Variants in RSL1D1 observed in about 807,000 individuals in gnomAD.
The protein encoded by RSL1D1 is ribosomal L1 domain-containing protein 1.
Under a neutral mutation model 44.6 loss-of-function variants are expected in RSL1D1, and 34 were observed. The observed-to-expected ratio is 0.76, with a 90% confidence interval of 0.58 to 1.02. RSL1D1 has a LOEUF of 1.02. RSL1D1 is among the 50% of genes least tolerant of loss of function. The pLI is 0.00. For synonymous variants in RSL1D1, 271 were observed against 207.4 expected (o/e 1.31, Z -2.63); for missense variants, 767 against 568.1 (o/e 1.35, Z -3.56).
rs893226164 is a variant in RSL1D1, at chr16:11,836,039, A to G, written c.*1748T>C. 3.3e-5 allele frequency: 5 copies of G among 152,158 alleles called. No individual in the cohort carries two copies. Among genetic ancestry groups the G allele is most frequent in the Admixed American group, 6.6e-5 (1 of 15,260 alleles). 9.4% of individuals were successfully genotyped at this position (152,158 alleles called of 1,614,324 possible). A position where few individuals can be genotyped will look rare whatever the true frequency, so the allele number is the denominator to read the frequency against. On this transcript the variant is annotated 3_prime_UTR_variant, in exon 9 of 9. Transcript: ENST00000571133. ...CCAGGATCGACTGTAACTTGAGTTA[A>G]AAGAACCTGCTCTCCATCATCTCAA...
chr16:11,840,019 G>GAACC (rs1281042305), intron 7 of RSL1D1, 34 bp from the exon 8 acceptor site: 1 of 1,600,928 alleles, frequency 6.2e-7, no homozygotes, highest in Non-Finnish European at 8.5e-7. Context: ...ATTTTAGCAG[G>GAACC]AACAGTTCTG....
intron 3 of RSL1D1, 77 bp downstream of exon 3, chr16:11,847,591 T>A (rs541816591): frequency 8.5e-7 from 1 of 1,172,076 alleles, no homozygotes; most frequent in African/African-American, 1.6e-5. Context: ...CTAGGAAATA[T>A]AGCAATGTAT....
At chr16:11,841,300 A>G in intron 7 of RSL1D1, 1 of 164,346 alleles carries the variant, frequency 6.1e-6, no homozygotes, top group East Asian at 1.8e-4. Context: ...AGTGCCAGCT[A>G]CTCGGGAGGC....
In RSL1D1 at chr16:11,837,734, C is replaced by A; in HGVS notation, c.*53G>T. 1 of 1,473,536 alleles carries A rather than the reference C, an allele frequency of 6.8e-7. No individual in the cohort carries two copies. The highest frequency in any genetic ancestry group is 1.3e-5 in the South Asian group (1 of 77,770). 91.3% of individuals were successfully genotyped at this position (1,473,536 alleles called of 1,614,324 possible). On this transcript the variant is annotated 3_prime_UTR_variant, in exon 9 of 9. Coordinates refer to ENST00000571133, the MANE Select transcript of RSL1D1 (RefSeq NM_015659.3). ...AAAGGCGGCCAGGATCTGAGTATTT[C>A]CAAAAAGCTCTGGAGGCAGCATTGA...
intron 2 of RSL1D1, 119 bp from the exon 3 acceptor site, chr16:11,847,925 T>TGC: frequency 9.8e-7 from 1 of 1,016,022 alleles, no homozygotes; most frequent in Admixed American, 2.4e-5. Context: ...TCATGCTAGT[T>TGC]AAGCAAATAA....
intron 7 of RSL1D1, among the ~76,000 whole-genome samples, chr16:11,840,615 G>C (rs1245905362): frequency 6.6e-6 from 1 of 152,180 alleles, no homozygotes; most frequent in African/African-American, 2.4e-5. Context: ...TGGCTAAAGA[G>C]AGAAACACTA....
chr16:11,840,753 G>A (rs781545395), intron 7 of RSL1D1, among the ~76,000 whole-genome samples: 2 of 152,110 alleles, frequency 1.3e-5, no homozygotes, highest in South Asian at 4.1e-4. Context: ...CATAACCTCC[G>A]ACATCCAAAT....
At chr16:11,841,420 C>T in intron 7 of RSL1D1, 1 of 285,506 alleles carries the variant, frequency 3.5e-6, no homozygotes. Context: ...TAAAAAAACC[C>T]AGCAAGCACT....
intron 5 of RSL1D1, 116 bp downstream of exon 5, chr16:11,846,385 A>T: frequency 2.4e-5 from 14 of 592,826 alleles, no homozygotes; most frequent in Non-Finnish European, 3.2e-5. Context: ...ACAGAGTAAG[A>T]CTCCATCTCA....
intron 7 of RSL1D1, 62 bp from the exon 8 acceptor site, chr16:11,840,047 T>A: frequency 1.3e-6 from 2 of 1,572,654 alleles, no homozygotes; most frequent in Admixed American, 1.9e-5. Context: ...ACAAACGGCA[T>A]AGATGTACCA....
In RSL1D1 at chr16:11,835,849, T is replaced by A. The variant is rs1225544585; in HGVS notation, c.*1938A>T. On this transcript the variant is annotated 3_prime_UTR_variant, in exon 9 of 9. Coordinates refer to ENST00000571133, the MANE Select transcript of RSL1D1 (RefSeq NM_015659.3). Reference sequence around the variant, plus strand: ...CTTGGAATATGTCCAGGGTCAAGGGTCTAAAACCCCTTGTGGTCTTTGGAA... The same window carrying A: ...CTTGGAATATGTCCAGGGTCAAGGGACTAAAACCCCTTGTGGTCTTTGGAA... 6.6e-6 allele frequency: 1 copy of A among 152,058 alleles called. No individual in the cohort carries two copies. The highest frequency in any genetic ancestry group is 2.4e-5 in the African/African-American group (1 of 41,410). The allele number at this position is 152,058 out of a possible 1,614,324, so 9.4% of individuals were successfully genotyped here.
chr16:11,851,131 T>C (rs1444405992), intron 1 of RSL1D1: 9 of 506,550 alleles, frequency 1.8e-5, no homozygotes, highest in Non-Finnish European at 7.2e-6. Context: ...GGTCAAGCGC[T>C]AATGATAGGG....
At chr16:11,846,967 G>T (rs1156333501) in intron 3 of RSL1D1, 124 bp from the exon 4 acceptor site, 2 of 829,510 alleles carry the variant, frequency 2.4e-6, no homozygotes, top group Non-Finnish European at 3.8e-6. Flanking sequence ...ATACTTTAAT[G>T]AACACTTGAG....
chr16:11,846,706 A>G lies in RSL1D1; in HGVS notation c.522T>C (p.Tyr174=). The G allele has an allele frequency of 6.2e-7, 1 of 1,613,952 alleles. No individual in the cohort carries two copies. The highest frequency in any genetic ancestry group is 8.5e-7 in the Non-Finnish European group (1 of 1,179,968). Residue 174 remains tyrosine, a synonymous_variant, in exon 4 of 9, where the codon TAT becomes TAC. Transcript: ENST00000571133. ...LLPSLIGRHF[Y]QRKKVPVSVN... is the part of the protein sequence containing the mutation. ...ACTAAGAAACTTACTTCTTTCTTTG[A>G]TAGAAATGTCTCCCAATGAGTGAGG...
At chr16:11,851,114 G>T (rs1461927630) in intron 1 of RSL1D1, 1 of 466,146 alleles carries the variant, frequency 2.1e-6, no homozygotes, top group Non-Finnish European at 4.0e-6. Context: ...GCAAAACTAA[G>T]CGATTCGGTC....
In RSL1D1 at chr16:11,838,066, A is replaced by G. The variant is rs745744835; in HGVS notation, c.1194T>C (p.Asn398=). ...TGKKSPAKSP[N]PSTPRGKKRK... ...TTTTCTTCCCACGAGGTGTGCTGGG[A>G]TTAGGACTCTTTGCTGGAGACTTCT... The change falls in exon 9 of 9, where the codon AAT becomes AAC. Residue 398 remains asparagine, a synonymous_variant. Coordinates refer to ENST00000571133, the MANE Select transcript of RSL1D1 (RefSeq NM_015659.3). The G allele has an allele frequency of 2.5e-6, 4 of 1,601,582 alleles. No individual in the cohort carries two copies. Among genetic ancestry groups the G allele is most frequent in the Non-Finnish European group, 3.4e-6 (4 of 1,177,104 alleles).
intron 5 of RSL1D1, among the ~76,000 whole-genome samples, chr16:11,843,890 A>AAAAAAG: frequency 6.6e-6 from 1 of 151,114 alleles, no homozygotes; most frequent in Admixed American, 6.6e-5. Flanking sequence ...AAAAAAAAAA[A>AAAAAAG]AAAAAGAGTA....
At chr16:11,844,944 T>C (rs1330768113) in intron 5 of RSL1D1, among the ~76,000 whole-genome samples, 2 of 152,116 alleles carry the variant, frequency 1.3e-5, no homozygotes, top group Non-Finnish European at 2.9e-5. Flanking sequence ...CAGCCAGAGG[T>C]TGGAAGCAAT....
rs35932064 is a variant in RSL1D1 at position 11,848,800 on chromosome 16, CT to C, written c.246-995del. On this transcript the variant is annotated intron_variant, in intron 2 of 8. Transcript: ENST00000571133. Reference sequence around the variant, plus strand: ...GAGCCACCACACTCAGCCAACATAACTTTTTTTTTTTTTTTTGAGATGGGAG... The same window carrying C: ...GAGCCACCACACTCAGCCAACATAACTTTTTTTTTTTTTTTGAGATGGGAG... Among the ~76,000 whole-genome samples the C allele has an allele frequency of 3.0e-3, 424 of 142,964 alleles. 2 individuals carry two copies. The highest frequency in any genetic ancestry group is 0.026 in the Middle Eastern group (7 of 274). 93.8% of individuals were successfully genotyped at this position (142,964 alleles called of 152,430 possible).
Sources: gnomAD v4.1 joint callset for allele counts (sites outside exome capture counted in the v4.1 genomes callset) on GRCh38, gnomAD v4.1.1 for gene constraint, MANE v1.5 for transcripts, NCBI Gene and HGNC (gene_info 2026-07-23, HGNC 2026-07-21) for gene names.